Variants in SORCS3 observed in about 807,000 individuals in gnomAD.
SORCS3 encodes the protein sortilin related VPS10 domain containing receptor 3.
SORCS3 carries 57 observed loss-of-function variants against 146.3 expected under a neutral mutation model. The ratio of observed to expected loss-of-function variants is 0.39; its 90% CI spans 0.31 to 0.49. The LOEUF (loss-of-function observed/expected upper bound fraction) is 0.49. Among genes scored for constraint, SORCS3 ranks in the 20% least tolerant of loss-of-function variants. The pLI, the probability that SORCS3 is intolerant of heterozygous loss-of-function variation, is 0.92. For synonymous variants in SORCS3, 653 were observed against 618.5 expected (o/e 1.06, Z -0.83); for missense variants, 1,341 against 1,575.5 (o/e 0.85, Z 2.52).
chr10:104,768,874 T>G (rs2017213562), intron 1 of SORCS3, among the ~76,000 whole-genome samples: 1 of 152,162 alleles, frequency 6.6e-6, no homozygotes, highest in Non-Finnish European at 1.5e-5. Context: ...TGGGTAAGTA[T>G]GTAAAGACCT....
At chr10:105,226,145 A>G (rs915467291) in intron 20 of SORCS3, among the ~76,000 whole-genome samples, 1 of 151,912 alleles carries the variant, frequency 6.6e-6, no homozygotes, top group Non-Finnish European at 1.5e-5. Context: ...TCTAGGCTTT[A>G]AAGGAAAGGC....
intron 1 of SORCS3, among the ~76,000 whole-genome samples, chr10:104,828,222 A>C (rs1589514882): frequency 6.6e-6 from 1 of 152,282 alleles, no homozygotes; most frequent in Non-Finnish European, 1.5e-5. Flanking sequence ...TTCTTTGCTA[A>C]GCTTAACCAT....
intron 1 of SORCS3, among the ~76,000 whole-genome samples, chr10:104,786,036 G>A (rs2017431458): frequency 6.6e-6 from 1 of 152,128 alleles, no homozygotes; most frequent in Non-Finnish European, 1.5e-5. Context: ...ACATTAGGGT[G>A]CATGAGGGGA....
chr10:104,891,195 TGCCACTCTG>T (rs1011904559), intron 2 of SORCS3, among the ~76,000 whole-genome samples: 16 of 152,234 alleles, frequency 1.1e-4, no homozygotes, highest in African/African-American at 3.9e-4. Context: ...TTATGAGGGT[TGCCACTCTG>T]GCTTATGGTA....
At chr10:104,663,435 T>A (rs1316406347) in intron 1 of SORCS3, among the ~76,000 whole-genome samples, 2 of 152,160 alleles carry the variant, frequency 1.3e-5, no homozygotes, top group African/African-American at 4.8e-5. Flanking sequence ...ACTGATCAAA[T>A]ATTAAAAGTT....
chr10:104,897,632 A>G (rs1390967704), intron 2 of SORCS3, among the ~76,000 whole-genome samples: 1 of 152,228 alleles, frequency 6.6e-6, no homozygotes, highest in African/African-American at 2.4e-5. Flanking sequence ...ACTTTCTCAT[A>G]CATTTATAGT....
Position 104,942,785 on chromosome 10 carries a change from T to A in SORCS3, c.795+26853T>A, listed in dbSNP as rs563094583. 7.0e-4 allele frequency among the ~76,000 whole-genome samples: 106 copies of A among 152,324 alleles called. 1 individual carries two copies. Among genetic ancestry groups the A allele is most frequent in the South Asian group, 2.1e-3 (10 of 4,830 alleles). ...TCCAACTAGAGGAGAACTTCCTTAA[T>A]GAGATAAAGTGTAGTTTTTAAGAAG... On this transcript the variant is annotated intron_variant, in intron 3 of 26. Transcript: ENST00000369701.
chr10:105,212,077 A>G (rs2056637465), intron 17 of SORCS3, among the ~76,000 whole-genome samples: 1 of 152,172 alleles, frequency 6.6e-6, no homozygotes. Context: ...CAGTCAAGTT[A>G]TTCATCTTCT....
At chr10:104,755,522 A>G (rs2017040831) in intron 1 of SORCS3, among the ~76,000 whole-genome samples, 1 of 152,224 alleles carries the variant, frequency 6.6e-6, no homozygotes, top group Non-Finnish European at 1.5e-5. Flanking sequence ...AGTGTTGCAG[A>G]ATGAAAGTGG....
At chr10:105,255,329 G>A (rs990311026) in intron 23 of SORCS3, among the ~76,000 whole-genome samples, 1 of 152,076 alleles carries the variant, frequency 6.6e-6, no homozygotes, top group Non-Finnish European at 1.5e-5. Flanking sequence ...TTGTGGTGTC[G>A]GGGGAGGAGG....
chr10:104,797,244 G>A (rs1455579405), intron 1 of SORCS3, among the ~76,000 whole-genome samples: 4 of 152,308 alleles, frequency 2.6e-5, no homozygotes, highest in Admixed American at 2.6e-4. Flanking sequence ...ATTAGCCTAG[G>A]TAAGAGGTCT....
chr10:104,839,120 G>A (rs112362344), intron 1 of SORCS3, among the ~76,000 whole-genome samples: 1 of 152,140 alleles, frequency 6.6e-6, no homozygotes, highest in Non-Finnish European at 1.5e-5. Context: ...AGCGATTATT[G>A]TATAAGAACC....
chr10:104,810,285 C>T (rs957171740), intron 1 of SORCS3, among the ~76,000 whole-genome samples: 34 of 152,058 alleles, frequency 2.2e-4, no homozygotes, highest in Admixed American at 1.9e-3. Context: ...TGGCCTGTCA[C>T]GCACTGGAGA....
intron 16 of SORCS3, among the ~76,000 whole-genome samples, chr10:105,206,494 T>C (rs2056603488): frequency 6.6e-6 from 1 of 152,176 alleles, no homozygotes; most frequent in African/African-American, 2.4e-5. Flanking sequence ...GAAGTAATCA[T>C]GGAAGGCTTC....
chr10:105,230,578 C>T (rs546095670), intron 20 of SORCS3, among the ~76,000 whole-genome samples: 18 of 152,308 alleles, frequency 1.2e-4, no homozygotes, highest in East Asian at 3.9e-4. Context: ...TCCCAGCCCA[C>T]GGCAGCAGCC....
At chr10:104,783,500 G>A (rs2017397911) in intron 1 of SORCS3, among the ~76,000 whole-genome samples, 1 of 152,184 alleles carries the variant, frequency 6.6e-6, no homozygotes, top group Non-Finnish European at 1.5e-5. Flanking sequence ...TTGGGGGACC[G>A]AGGCGGGTGG....
intron 1 of SORCS3, among the ~76,000 whole-genome samples, chr10:104,785,076 G>C (rs2017417814): frequency 6.6e-6 from 1 of 151,228 alleles, no homozygotes; most frequent in African/African-American, 2.4e-5. Flanking sequence ...GGGCAGGGGG[G>C]CTGACCCCCC....
chr10:105,033,855 G>C (rs1348172150), intron 4 of SORCS3, among the ~76,000 whole-genome samples: 1 of 152,132 alleles, frequency 6.6e-6, no homozygotes, highest in Non-Finnish European at 1.5e-5. Flanking sequence ...CAGAGAATTA[G>C]AACTAATTTT....
intron 1 of SORCS3, among the ~76,000 whole-genome samples, chr10:104,821,146 A>G (rs2017868425): frequency 6.6e-6 from 1 of 152,180 alleles, no homozygotes; most frequent in Admixed American, 6.5e-5. Flanking sequence ...GTGTACCTTC[A>G]GCAACTTCAG....
Sources: gnomAD v4.1 joint callset for allele counts (sites outside exome capture counted in the v4.1 genomes callset) on GRCh38, gnomAD v4.1.1 for gene constraint, MANE v1.5 for transcripts, NCBI Gene and HGNC (gene_info 2026-07-23, HGNC 2026-07-21) for gene names.